The following TGFBR3 variants were observed in gnomAD, a reference collection of about 807,000 sequenced individuals.
The protein encoded by TGFBR3 is transforming growth factor beta receptor type 3.
In TGFBR3, 46 loss-of-function variants were observed where a neutral mutation model predicts 87.9. The ratio of observed to expected loss-of-function variants is 0.52; its 90% CI spans 0.41 to 0.67. The LOEUF (loss-of-function observed/expected upper bound fraction) is 0.67. Ranked by LOEUF, TGFBR3 falls within the 30% of genes least tolerant of loss-of-function variation. The pLI is 0.00. For synonymous variants in TGFBR3, 381 were observed against 391.6 expected (o/e 0.97, Z 0.32); for missense variants, 866 against 1,041.9 (o/e 0.83, Z 2.32).
At chr1:91,690,365 C>G (rs1170154809) in intron 16 of TGFBR3, among the ~76,000 whole-genome samples, 1 of 152,068 alleles carries the variant, frequency 6.6e-6, no homozygotes, top group East Asian at 1.9e-4. Context: ...CAACACCAGG[C>G]ACATTTGAGG....
intron 2 of TGFBR3, among the ~76,000 whole-genome samples, chr1:91,849,332 C>CTT (rs1677629526): frequency 6.6e-6 from 1 of 152,162 alleles, no homozygotes; most frequent in South Asian, 2.1e-4. Flanking sequence ...CCGTCTCCCA[C>CTT]CCCTCAGTTA....
At chr1:91,762,493 T>C (rs1674008604) in intron 3 of TGFBR3, among the ~76,000 whole-genome samples, 1 of 152,216 alleles carries the variant, frequency 6.6e-6, no homozygotes, top group African/African-American at 2.4e-5. Flanking sequence ...ACTTAATAGA[T>C]GAAGACTCAG....
At chr1:91,725,571 A>G (rs1303275991) in intron 7 of TGFBR3, among the ~76,000 whole-genome samples, 1 of 152,248 alleles carries the variant, frequency 6.6e-6, no homozygotes, top group Non-Finnish European at 1.5e-5. Flanking sequence ...CCCTGTGTCC[A>G]GTGCTTTAGG....
chr1:91,683,484 G>A lies in TGFBR3; in HGVS notation c.*255C>T, dbSNP rs375927498. On this transcript the variant is annotated 3_prime_UTR_variant, in exon 17 of 17. Transcript: ENST00000212355. Reference sequence around the variant, plus strand: ...ACCCCCAAGCCTGTGAGGGGCTGGTGGAGAAGACCACCATTTTAGCTTTCT... The same window carrying A: ...ACCCCCAAGCCTGTGAGGGGCTGGTAGAGAAGACCACCATTTTAGCTTTCT... 4.5e-6 allele frequency: 3 copies of A among 674,154 alleles called. No individual in the cohort carries two copies. The highest frequency in any genetic ancestry group is 8.1e-6 in the Non-Finnish European group (3 of 368,538). The allele number at this position is 674,154 out of a possible 1,614,324, so 41.8% of individuals were successfully genotyped here.
intron 3 of TGFBR3, among the ~76,000 whole-genome samples, chr1:91,786,478 TG>T (rs1182282971): frequency 6.6e-6 from 1 of 152,120 alleles, no homozygotes; most frequent in Non-Finnish European, 1.5e-5. Flanking sequence ...AGGCCAGGTG[TG>T]GTGGCTCACA....
chr1:91,876,900 A>C (rs901630740), intron 1 of TGFBR3, among the ~76,000 whole-genome samples: 1 of 142,644 alleles, frequency 7.0e-6, no homozygotes, highest in Non-Finnish European at 1.6e-5. Flanking sequence ...TACCCTCTGC[A>C]AAAAAAAAAG....
At chr1:91,705,020 G>T (rs1372982496) in intron 14 of TGFBR3, among the ~76,000 whole-genome samples, 1 of 152,176 alleles carries the variant, frequency 6.6e-6, no homozygotes, top group Admixed American at 6.5e-5. Context: ...AATGACCAGA[G>T]AGAGCTGGAG....
intron 2 of TGFBR3, among the ~76,000 whole-genome samples, chr1:91,811,152 G>C (rs1466838493): frequency 6.6e-6 from 1 of 151,964 alleles, no homozygotes; most frequent in Non-Finnish European, 1.5e-5. Flanking sequence ...CTCTACAAAA[G>C]ATTAAAAAAT....
intron 4 of TGFBR3, among the ~76,000 whole-genome samples, chr1:91,753,514 T>C (rs1012523367): frequency 6.6e-5 from 10 of 152,100 alleles, no homozygotes; most frequent in Admixed American, 6.6e-4. Flanking sequence ...TCTGTGTGTA[T>C]TCACAAGGTG....
chr1:91,854,989 T>C (rs761692601), intron 2 of TGFBR3, among the ~76,000 whole-genome samples: 2 of 152,196 alleles, frequency 1.3e-5, no homozygotes, highest in Non-Finnish European at 2.9e-5. Flanking sequence ...CAATATGGTA[T>C]TATTAGCCTC....
At chr1:91,866,434 C>G (rs190870866) in intron 1 of TGFBR3, among the ~76,000 whole-genome samples, 134 of 152,260 alleles carry the variant, frequency 8.8e-4, no homozygotes, top group Non-Finnish European at 1.6e-3. Flanking sequence ...CCAAGCACAA[C>G]TGATATTCAA....
chr1:91,789,716 A>G (rs1386759343), intron 3 of TGFBR3, among the ~76,000 whole-genome samples: 1 of 152,208 alleles, frequency 6.6e-6, no homozygotes, highest in Non-Finnish European at 1.5e-5. Context: ...TTTAGATTGA[A>G]CATCTTGCCC....
At position 91,734,895 on chromosome 1, in the gene TGFBR3, T is replaced by C. The variant is rs781589341; in HGVS notation, c.449A>G (p.Glu150Gly). The change falls in exon 5 of 17, where the codon GAA (glutamate) becomes GGA (glycine). Residue 150 changes from glutamate to glycine, a missense_variant. Coordinates refer to ENST00000212355, the MANE Select transcript of TGFBR3 (RefSeq NM_003243.5). Reference protein sequence around the residue: ...ANFSLTAETEERNFPHGNEHL... With the variant: ...ANFSLTAETEGRNFPHGNEHL... ...TTCATTTCCATGGGGGAAGTTCCTT[T>C]CTTCTGTTTCTGCTGTCAAGGAGAA... 2 of 1,614,208 alleles carry C rather than the reference T, an allele frequency of 1.2e-6. No individual in the cohort carries two copies. The highest frequency in any genetic ancestry group is 2.2e-5 in the South Asian group (2 of 91,086).
intron 2 of TGFBR3, among the ~76,000 whole-genome samples, chr1:91,815,054 C>A (rs958525997): frequency 6.6e-6 from 1 of 152,154 alleles, no homozygotes; most frequent in Non-Finnish European, 1.5e-5. Flanking sequence ...GTAATCCCAA[C>A]ACTTTGGGAG....
intron 2 of TGFBR3, among the ~76,000 whole-genome samples, chr1:91,842,319 A>T (rs1677318209): frequency 6.6e-6 from 1 of 152,146 alleles, no homozygotes; most frequent in African/African-American, 2.4e-5. Context: ...AGGGATTACA[A>T]TTTTAAGTAG....
At position 91,875,784 on chromosome 1, in the gene TGFBR3, C is replaced by A. The variant is rs2391072; in HGVS notation, c.-114+10094G>T. Among the ~76,000 whole-genome samples, 9 of 4,752 alleles carry A rather than the reference C, an allele frequency of 1.9e-3. 1 individual carries two copies. Among genetic ancestry groups the A allele is most frequent in the Non-Finnish European group, 5.9e-3 (9 of 1,534 alleles). 3.1% of individuals were successfully genotyped at this position (4,752 alleles called of 152,430 possible). On this transcript the variant is annotated intron_variant, in intron 1 of 16. Transcript: ENST00000212355. ...ACACCTGTAATCCCAGCTACTCGGG[C>A]GGGGGGGGGGGGTGGGAGTGTGCAG...
intron 2 of TGFBR3, among the ~76,000 whole-genome samples, chr1:91,835,133 C>G (rs2101097857): frequency 6.6e-6 from 1 of 152,318 alleles, no homozygotes; most frequent in South Asian, 2.1e-4. Context: ...CTCAATGAGG[C>G]AAAAGTGTTC....
chr1:91,832,015 T>C (rs1676870289), intron 2 of TGFBR3, among the ~76,000 whole-genome samples: 1 of 152,248 alleles, frequency 6.6e-6, no homozygotes, highest in Admixed American at 6.5e-5. Context: ...TCTATTTTTT[T>C]CCATGTTGCC....
At chr1:91,695,160 T>C (rs1244273310) in intron 16 of TGFBR3, among the ~76,000 whole-genome samples, 3 of 152,026 alleles carry the variant, frequency 2.0e-5, no homozygotes, top group Non-Finnish European at 4.4e-5. Context: ...AATTTAACTT[T>C]ATAGAAAAAC....
Sources: gnomAD v4.1 joint callset for allele counts (sites outside exome capture counted in the v4.1 genomes callset) on GRCh38, gnomAD v4.1.1 for gene constraint, MANE v1.5 for transcripts, NCBI Gene and HGNC (gene_info 2026-07-23, HGNC 2026-07-21) for gene names.